Variants in RBFOX1 observed in about 807,000 individuals in gnomAD.
RBFOX1 encodes the protein RNA binding protein fox-1 homolog 1.
Under a neutral mutation model 57.7 loss-of-function variants are expected in RBFOX1, and 8 were observed. The ratio of observed to expected loss-of-function variants is 0.14; its 90% CI spans 0.08 to 0.25. The LOEUF is 0.25. Ranked by LOEUF, RBFOX1 falls within the 10% of genes least tolerant of loss-of-function variation. The probability of loss-of-function intolerance (pLI) is 1.00; values close to 1 mark genes in which losing one functional copy is unlikely to be tolerated. For missense variants in RBFOX1, 611 were observed against 548.5 expected (o/e 1.11, Z -1.14); for synonymous variants, 326 against 222.4 (o/e 1.47, Z -4.15).
chr16:6,716,848 T>A (rs111846528), intron 3 of RBFOX1, among the ~76,000 whole-genome samples: 1 of 152,190 alleles, frequency 6.6e-6, no homozygotes, highest in Non-Finnish European at 1.5e-5. Context: ...GTGAGTGTAA[T>A]AAACTGAATG....
chr16:7,017,186 G>A (rs1274665463), intron 3 of RBFOX1, among the ~76,000 whole-genome samples: 1 of 152,146 alleles, frequency 6.6e-6, no homozygotes, highest in Non-Finnish European at 1.5e-5. Flanking sequence ...AATCGTATCT[G>A]CTTCAAGTGT....
At chr16:6,734,403 C>G (rs574356498) in intron 3 of RBFOX1, among the ~76,000 whole-genome samples, 1 of 152,166 alleles carries the variant, frequency 6.6e-6, no homozygotes, top group Non-Finnish European at 1.5e-5. Context: ...TGAACACTGA[C>G]AATTATGTAG....
chr16:6,481,274 C>T (rs904621878), intron 2 of RBFOX1, among the ~76,000 whole-genome samples: 1 of 152,144 alleles, frequency 6.6e-6, no homozygotes, highest in South Asian at 2.1e-4. Flanking sequence ...TAAATGTGGG[C>T]CTTCATGTCC....
chr16:6,774,505 G>A (rs191839417), intron 3 of RBFOX1, among the ~76,000 whole-genome samples: 1 of 152,270 alleles, frequency 6.6e-6, no homozygotes, highest in African/African-American at 2.4e-5. Context: ...AATTCTGATA[G>A]TCATTGTCTT....
intron 3 of RBFOX1, among the ~76,000 whole-genome samples, chr16:6,809,906 C>G (rs951356771): frequency 1.3e-5 from 2 of 151,912 alleles, no homozygotes; most frequent in African/African-American, 4.8e-5. Flanking sequence ...TGCTTTTGTA[C>G]AAATGAATAA....
chr16:7,363,848 G>A (rs1223661963), intron 4 of RBFOX1, among the ~76,000 whole-genome samples: 3 of 152,128 alleles, frequency 2.0e-5, no homozygotes, highest in Admixed American at 6.5e-5. Context: ...TATTATCTGG[G>A]TGGAGGGGGA....
chr16:6,248,343 C>G (rs569766488), intron 1 of RBFOX1, among the ~76,000 whole-genome samples: 2 of 152,200 alleles, frequency 1.3e-5, no homozygotes, highest in Admixed American at 1.3e-4. Flanking sequence ...CTAGTTAAAT[C>G]AACACAGTCT....
chr16:5,346,829 C>CT (rs2065150912), intron 1 of RBFOX1, among the ~76,000 whole-genome samples: 1 of 152,124 alleles, frequency 6.6e-6, no homozygotes, highest in African/African-American at 2.4e-5. Flanking sequence ...TTCAGTGTTC[C>CT]CATCTGCAAA....
chr16:6,974,781 T>G (rs1217752413), intron 3 of RBFOX1, among the ~76,000 whole-genome samples: 2 of 152,162 alleles, frequency 1.3e-5, no homozygotes, highest in African/African-American at 4.8e-5. Context: ...CCCCCTGTGT[T>G]TGCAAACCTT....
chr16:7,685,836 G>C (rs910503997), intron 14 of RBFOX1, among the ~76,000 whole-genome samples: 6 of 152,012 alleles, frequency 3.9e-5, no homozygotes, highest in Admixed American at 6.6e-5. Flanking sequence ...TTTGAAATCA[G>C]ATCTTTTATT....
chr16:7,211,874 C>G (rs2091211907), intron 4 of RBFOX1, among the ~76,000 whole-genome samples: 1 of 152,092 alleles, frequency 6.6e-6, no homozygotes, highest in Non-Finnish European at 1.5e-5. Flanking sequence ...TAAATGCAAG[C>G]AAAATAAAAT....
At chr16:7,453,017 T>C (rs141887023) in intron 4 of RBFOX1, among the ~76,000 whole-genome samples, 4 of 150,678 alleles carry the variant, frequency 2.7e-5, no homozygotes, top group African/African-American at 9.8e-5. Context: ...TAATTGCAGC[T>C]ACTAGGGGGG....
chr16:6,143,959 C>CTATATATATATATATATATA (rs71142686), intron 1 of RBFOX1, among the ~76,000 whole-genome samples: 12 of 139,980 alleles, frequency 8.6e-5, no homozygotes, highest in African/African-American at 2.8e-4. Flanking sequence ...CCATACTCAG[C>CTATATATATATATATATATA]TATATATATA....
intron 3 of RBFOX1, among the ~76,000 whole-genome samples, chr16:5,861,821 C>G (rs940338196): frequency 6.6e-6 from 1 of 152,166 alleles, no homozygotes; most frequent in Non-Finnish European, 1.5e-5. Context: ...TTCTTAGACG[C>G]AATGGCAGAA....
chr16:7,577,835 C>T (rs1436890297), intron 5 of RBFOX1, among the ~76,000 whole-genome samples: 1 of 152,188 alleles, frequency 6.6e-6, no homozygotes, highest in Non-Finnish European at 1.5e-5. Context: ...TTCAAGGCTT[C>T]AGTGAGCCGT....
At chr16:7,594,742 C>A (rs901921083) in intron 7 of RBFOX1, among the ~76,000 whole-genome samples, 5 of 152,094 alleles carry the variant, frequency 3.3e-5, no homozygotes, top group African/African-American at 1.2e-4. Context: ...AAATATTGAC[C>A]TAATGCCAGA....
chr16:6,773,802 G>C (rs1346129847), intron 3 of RBFOX1: 1 of 201,934 alleles, frequency 5.0e-6, no homozygotes, highest in African/African-American at 2.4e-5. Flanking sequence ...GTATGTGTGG[G>C]AGTTTGGTGC....
chr16:7,507,788 G>C (rs1331651570), intron 4 of RBFOX1, among the ~76,000 whole-genome samples: 6 of 151,850 alleles, frequency 4.0e-5, no homozygotes, highest in Non-Finnish European at 8.8e-5. Context: ...CGGTCTCGAT[G>C]TCCTGACGTC....
At chr16:5,979,509 T>G (rs1026936165) in intron 4 of RBFOX1, among the ~76,000 whole-genome samples, 3 of 152,234 alleles carry the variant, frequency 2.0e-5, no homozygotes, top group African/African-American at 7.2e-5. Context: ...GAGGATAGTT[T>G]ATATGTATTG....
Sources: allele counts gnomAD v4.1 joint callset (sites outside exome capture counted in the v4.1 genomes callset), GRCh38; gene constraint gnomAD v4.1.1; transcripts MANE v1.5; gene names NCBI Gene and HGNC (gene_info 2026-07-23, HGNC 2026-07-21).